SLC39A12: variants seen among roughly 807,000 people sequenced by gnomAD.
The protein encoded by SLC39A12 is zinc transporter ZIP12.
A neutral mutation model predicts 71.1 loss-of-function variants in SLC39A12; 63 were observed. The ratio of observed to expected loss-of-function variants is 0.89; its 90% CI spans 0.72 to 1.09. SLC39A12 has a LOEUF of 1.09. SLC39A12 is among the 50% of genes least tolerant of loss of function. The pLI is 0.00. For missense variants in SLC39A12, 892 were observed against 812.6 expected, an observed-to-expected ratio of 1.10 and a Z score of -1.19; for synonymous variants, 351 against 301.3, an observed-to-expected ratio of 1.16 and a Z score of -1.71.
Position 17,953,353 on chromosome 10 carries a change from C to G in SLC39A12, c.77C>G (p.Thr26Arg). 2.5e-6 allele frequency: 4 copies of G among 1,614,130 alleles called. No individual in the cohort carries two copies. Among genetic ancestry groups the G allele is most frequent in the Non-Finnish European group, 3.4e-6 (4 of 1,180,024 alleles). ...LLLSRVFSTE[T>R]DKPSAQDSRS... is the part of the protein sequence containing the mutation. ...CTCAGCCGTGTTTTTTCTACTGAGA[C>G]AGACAAACCCTCAGCCCAGGATAGC... The change falls in exon 2 of 13, where the codon ACA becomes AGA. Residue 26 changes from threonine to arginine, a missense_variant. Physicochemically the swap from Thr to Arg is moderately conservative, Grantham distance 71. Transcript: ENST00000377369.
Position 17,993,229 on chromosome 10 carries a change from G to T in SLC39A12, c.1471G>T (p.Ala491Ser). 3 of 1,551,824 alleles carry T rather than the reference G, an allele frequency of 1.9e-6. No homozygotes were observed. The highest frequency in any genetic ancestry group is 2.4e-5 in the South Asian group (2 of 84,018). The change falls in exon 9 of 13, where the codon GCA becomes TCA. Residue 491 changes from alanine to serine, a missense_variant. Coordinates refer to ENST00000377369, the MANE Select transcript of SLC39A12 (RefSeq NM_001145195.2). ...GCACGTGGGTCATTCCCACCATCTT[G>T]CACTCAACTCTGAATTAAGTGACCA... ...NGHVGHSHHL[A>S]LNSELSDQAG...
At chr10:18,017,949 A>C (rs187605418) in intron 12 of SLC39A12, among the ~76,000 whole-genome samples, 35 of 152,312 alleles carry the variant, frequency 2.3e-4, no homozygotes, top group Non-Finnish European at 3.5e-4. Flanking sequence ...ATTTGGATTG[A>C]ATTGAATCTA....
At chr10:17,999,169 G>A (rs922250878) in intron 10 of SLC39A12, among the ~76,000 whole-genome samples, 1 of 151,754 alleles carries the variant, frequency 6.6e-6, no homozygotes, top group Non-Finnish European at 1.5e-5. Flanking sequence ...ATAGTGGCAT[G>A]TGCCTGTAGT....
At chr10:18,031,035 T>G (rs1836832993) in intron 12 of SLC39A12, among the ~76,000 whole-genome samples, 1 of 151,216 alleles carries the variant, frequency 6.6e-6, no homozygotes, top group Non-Finnish European at 1.5e-5. Context: ...ATTTTCTTAA[T>G]CCAGTCTGTC....
At chr10:17,969,259 C>T (rs1834909116) in intron 4 of SLC39A12, among the ~76,000 whole-genome samples, 1 of 152,132 alleles carries the variant, frequency 6.6e-6, no homozygotes, top group African/African-American at 2.4e-5. Flanking sequence ...AATGAGAGTG[C>T]AGATATCTCT....
Position 17,993,208 on chromosome 10 carries a change from G to T in SLC39A12, c.1450G>T (p.Val484Leu). The T allele has an allele frequency of 4.5e-6, 7 of 1,551,666 alleles. No homozygotes were observed. Among genetic ancestry groups the T allele is most frequent in the Non-Finnish European group, 6.1e-6 (7 of 1,146,936 alleles). Residue 484 changes from valine to leucine, a missense_variant, in exon 9 of 13, where the codon GTG becomes TTG. Physicochemically the swap from Val to Leu is conservative, Grantham distance 32 (BLOSUM62 1). Coordinates refer to ENST00000377369, the MANE Select transcript of SLC39A12 (RefSeq NM_001145195.2). ...KQGLSLVNGH[V>L]GHSHHLALNS... ...GGGCCTGTCATTGGTTAATGGGCAC[G>T]TGGGTCATTCCCACCATCTTGCACT...
chr10:18,000,116 T>C (rs1452468465), intron 10 of SLC39A12, among the ~76,000 whole-genome samples: 4 of 152,144 alleles, frequency 2.6e-5, no homozygotes. Flanking sequence ...GCCAACTTTC[T>C]GGTTGTAGAT....
chr10:18,025,495 G>A (rs568202829), intron 12 of SLC39A12, among the ~76,000 whole-genome samples: 283 of 151,622 alleles, frequency 1.9e-3, no homozygotes, highest in Non-Finnish European at 3.5e-3. Context: ...TTGGTTTTTT[G>A]TCCTTGCGAT....
At chr10:18,011,853 A>G (rs1836235794) in intron 12 of SLC39A12, among the ~76,000 whole-genome samples, 1 of 152,234 alleles carries the variant, frequency 6.6e-6, no homozygotes, top group South Asian at 2.1e-4. Context: ...CCTTGAGAAG[A>G]TCCCACTGGG....
intron 7 of SLC39A12, among the ~76,000 whole-genome samples, chr10:17,988,751 C>T (rs1023975453): frequency 4.6e-5 from 7 of 152,268 alleles, no homozygotes; most frequent in African/African-American, 7.2e-5. Context: ...CTCCTGGCTC[C>T]GGCGTCCGCT....
intron 12 of SLC39A12, among the ~76,000 whole-genome samples, chr10:18,028,679 A>G (rs1836749755): frequency 6.6e-6 from 1 of 152,162 alleles, no homozygotes; most frequent in Non-Finnish European, 1.5e-5. Context: ...CTTGACTAGG[A>G]ATGAGGTTAT....
intron 12 of SLC39A12, among the ~76,000 whole-genome samples, chr10:18,036,792 ATATT>A (rs1360209739): frequency 1.7e-4 from 14 of 84,598 alleles, no homozygotes; most frequent in East Asian, 8.6e-4. Context: ...ATATATATAT[ATATT>A]TTTTTTTTTA....
chr10:18,038,729 T>G (rs1283795241), intron 12 of SLC39A12, among the ~76,000 whole-genome samples: 1 of 152,178 alleles, frequency 6.6e-6, no homozygotes, highest in Non-Finnish European at 1.5e-5. Context: ...CAGAAACAGC[T>G]TGAAATTCTG....
chr10:18,009,774 A>T (rs1051894804), intron 12 of SLC39A12: 1 of 152,212 alleles, frequency 6.6e-6, no homozygotes, highest in Non-Finnish European at 1.5e-5. Context: ...AGGCAGGATA[A>T]AAGGTATTTT....
At chr10:18,001,073 A>T (rs961466170) in intron 11 of SLC39A12, among the ~76,000 whole-genome samples, 1 of 152,204 alleles carries the variant, frequency 6.6e-6, no homozygotes, top group African/African-American at 2.4e-5. Context: ...ATTCCAGAGA[A>T]TTCCATATGG....
chr10:17,956,448 G>C (rs149785473), intron 2 of SLC39A12, among the ~76,000 whole-genome samples: 2 of 148,658 alleles, frequency 1.3e-5, no homozygotes, highest in South Asian at 2.1e-4. Context: ...TCAGATCTCT[G>C]AGGATCTCAT....
At chr10:17,973,777 T>C (rs1306029033) in intron 4 of SLC39A12, among the ~76,000 whole-genome samples, 5 of 152,150 alleles carry the variant, frequency 3.3e-5, no homozygotes, top group Admixed American at 6.5e-5. Context: ...GATGGCTTTC[T>C]TTAGGGTTGG....
chr10:18,036,385 G>A (rs2497784), intron 12 of SLC39A12, among the ~76,000 whole-genome samples: 107,646 of 151,836 alleles, frequency 0.71, 38,478 homozygotes, highest in African/African-American at 0.74. Flanking sequence ...GAAAAGCGCA[G>A]TATTCGGGTG....
intron 12 of SLC39A12, among the ~76,000 whole-genome samples, chr10:18,008,159 G>T (rs548720749): frequency 6.6e-6 from 1 of 152,178 alleles, no homozygotes; most frequent in Non-Finnish European, 1.5e-5. Context: ...GAACGAGGCC[G>T]CACAGTAGGA....
Sources: gnomAD v4.1 joint callset for allele counts (sites outside exome capture counted in the v4.1 genomes callset) on GRCh38, gnomAD v4.1.1 for gene constraint, MANE v1.5 for transcripts, NCBI Gene and HGNC (gene_info 2026-07-23, HGNC 2026-07-21) for gene names.